Variants in USP40 observed in about 807,000 individuals in gnomAD.
USP40 encodes the protein ubiquitin specific peptidase 40.
In USP40, 143 loss-of-function variants were observed where a neutral mutation model predicts 166.2. That is an observed-to-expected ratio of 0.86 (90% CI 0.75 to 0.99). USP40 has a LOEUF of 0.99. Among genes scored for constraint, USP40 ranks in the 50% least tolerant of loss-of-function variants. The probability of loss-of-function intolerance (pLI) is 0.00; values close to 1 mark genes in which losing one functional copy is unlikely to be tolerated. For missense variants in USP40, 1,444 were observed against 1,479.7 expected (o/e 0.98, Z 0.40); for synonymous variants, 498 against 524.0 (o/e 0.95, Z 0.68).
chr2:233,494,950 A>ATTTT (rs1559224277), intron 24 of USP40, among the ~76,000 whole-genome samples: 1 of 30,106 alleles, frequency 3.3e-5, no homozygotes, highest in African/African-American at 2.2e-4. Context: ...ATATATATAT[A>ATTTT]TATATTTATA....
At chr2:233,538,208 G>A (rs1002401481) in intron 10 of USP40, among the ~76,000 whole-genome samples, 5 of 151,602 alleles carry the variant, frequency 3.3e-5, no homozygotes, top group African/African-American at 1.2e-4. Flanking sequence ...AAAGAAGGCA[G>A]GAAAGGAAAA....
intron 8 of USP40, among the ~76,000 whole-genome samples, chr2:233,547,929 T>C (rs972204629): frequency 9.2e-5 from 14 of 152,190 alleles, no homozygotes; most frequent in African/African-American, 2.9e-4. Context: ...TCCTGAAGAA[T>C]GACAGCATGT....
At chr2:233,492,980 C>A (rs1337617558) in intron 25 of USP40, 7 of 183,750 alleles carry the variant, frequency 3.8e-5, no homozygotes, top group Admixed American at 2.2e-4. Context: ...ATATCAAATG[C>A]CCTAGAAGCA....
intron 31 of USP40, 142 bp downstream of exon 31, chr2:233,481,061 A>G: frequency 2.8e-6 from 2 of 724,154 alleles, no homozygotes; most frequent in Non-Finnish European, 4.5e-6. Context: ...CAGGGGGCGG[A>G]GAAGGACCCG....
At chr2:233,499,834 T>G (rs1283346460) in intron 22 of USP40, 45 bp downstream of exon 22, 2 of 1,571,964 alleles carry the variant, frequency 1.3e-6, no homozygotes, top group Non-Finnish European at 1.7e-6. Context: ...CAAAAAAATT[T>G]TTATTAGGCT....
Position 233,524,500 on chromosome 2 carries a change from C to T in USP40, c.1873G>A (p.Gly625Arg). 2 of 1,606,352 alleles carry T rather than the reference C, an allele frequency of 1.2e-6. No homozygotes were observed. The highest frequency in any genetic ancestry group is 8.5e-7 in the Non-Finnish European group (1 of 1,176,964). ...TCAGTAATTTTTTTTACCTCCACCC[C>T]ATTCCACACAAAGATGTCTTCCCCA... ...ADGEDIFVWNGVEVGGVHIQT... is the reference protein window; with the variant it reads ...ADGEDIFVWNRVEVGGVHIQT... The change falls in exon 15 of 32, where the codon GGG becomes AGG. Residue 625 changes from glycine (G) to arginine (R), a missense_variant. By Grantham distance (125) the Gly-to-Arg change is moderately radical. Transcript: ENST00000678225.
At chr2:233,548,053 A>G (rs1332986216) in intron 8 of USP40, among the ~76,000 whole-genome samples, 2 of 152,220 alleles carry the variant, frequency 1.3e-5, no homozygotes, top group Non-Finnish European at 2.9e-5. Flanking sequence ...TAGAGAGCTG[A>G]AAAACAGACT....
intron 21 of USP40, among the ~76,000 whole-genome samples, chr2:233,505,524 GATC>G (rs2066360433): frequency 6.6e-6 from 1 of 151,910 alleles, no homozygotes; most frequent in African/African-American, 2.4e-5. Flanking sequence ...ACATACAAAG[GATC>G]ATAAGAGACT....
Position 233,485,754 on chromosome 2 carries a change from C to T in USP40, c.3408+13G>A. 3.1e-6 allele frequency: 5 copies of T among 1,612,456 alleles called. No individual in the cohort carries two copies. The highest frequency in any genetic ancestry group is 1.1e-5 in the South Asian group (1 of 90,678). On this transcript the variant is annotated intron_variant, in intron 29 of 31. Transcript: ENST00000678225. The stretch of plus-strand genomic sequence containing the variant: ...TAAGCCCCAATTTCTCTGAGACAGC[C>T]CCACAACTTTACCCAGCTAGATATC...
At chr2:233,524,761 G>T (rs2067898547) in intron 14 of USP40, among the ~76,000 whole-genome samples, 199 bp from the exon 15 acceptor site, 1 of 152,122 alleles carries the variant, frequency 6.6e-6, no homozygotes. Context: ...TGTGAGCATG[G>T]TGGCAGGACA....
At chr2:233,503,039 A>G (rs1456084840) in intron 21 of USP40, among the ~76,000 whole-genome samples, 1 of 152,228 alleles carries the variant, frequency 6.6e-6, no homozygotes, top group Non-Finnish European at 1.5e-5. Context: ...GAAGAAAAGT[A>G]TATTTATGAA....
intron 27 of USP40, among the ~76,000 whole-genome samples, chr2:233,488,616 C>T (rs112526373): frequency 0.012 from 1,843 of 152,298 alleles, 35 homozygotes; most frequent in African/African-American, 0.041. Context: ...TAATCAGAAC[C>T]GATTAAAAGC....
chr2:233,554,491 AT>A lies in USP40; in HGVS notation c.581del (p.Asn194MetfsTer14), dbSNP rs2125369686. On this transcript the variant is annotated frameshift_variant, in exon 6 of 32. Transcript: ENST00000678225. LOFTEE classifies it high-confidence loss of function. ...AGAGAGCATCTTCCAAACCGGATAC[AT>A]TTTTGACTGCTACTGTTAGATCTAA... ...DFLDLTVAVK[N>X]VSGLEDALWN... 1.9e-6 allele frequency: 3 copies of A among 1,611,872 alleles called. No individual in the cohort carries two copies. In the East Asian group the frequency reaches 6.7e-5, roughly 36 times the overall value.
chr2:233,476,297 G>C lies in USP40; in HGVS notation c.*1095C>G, dbSNP rs1475758440. 6.6e-6 allele frequency: 1 copy of C among 152,350 alleles called. No homozygotes were observed. Among genetic ancestry groups the C allele is most frequent in the Non-Finnish European group, 1.5e-5 (1 of 68,058 alleles). The allele number at this position is 152,350 out of a possible 1,614,324, so 9.4% of individuals were successfully genotyped here. A position where few individuals can be genotyped will look rare whatever the true frequency, so the allele number is the denominator to read the frequency against. The stretch of plus-strand genomic sequence containing the variant: ...GAGGCCCAGGTGACAAGCAGGCTCA[G>C]GACATGCGACACCGTCTTCGGGATG... On this transcript the variant is annotated 3_prime_UTR_variant, in exon 32 of 32. Coordinates refer to ENST00000678225, the MANE Select transcript of USP40 (RefSeq NM_001365479.2).
Position 233,519,470 on chromosome 2 carries a change from T to C in USP40, c.2383+144A>G, listed in dbSNP as rs1472490153. The C allele has an allele frequency of 2.6e-5, 15 of 570,870 alleles. No individual in the cohort carries two copies. The Admixed American group carries it at 4.3e-4, about 16-fold the overall frequency. The allele number at this position is 570,870 out of a possible 1,614,324, so 35.4% of individuals were successfully genotyped here. On this transcript the variant is annotated intron_variant, in intron 18 of 31. Coordinates refer to ENST00000678225, the MANE Select transcript of USP40 (RefSeq NM_001365479.2). The stretch of plus-strand genomic sequence containing the variant: ...AATGTTTCAAACAAAAACAAACATA[T>C]GACAAAATGTTAATATTTGTCCATT...
chr2:233,510,285 T>C, intron 20 of USP40, 150 bp from the exon 21 acceptor site: 1 of 624,586 alleles, frequency 1.6e-6, no homozygotes, highest in East Asian at 2.8e-5. Flanking sequence ...ATGATTAATG[T>C]TACAATTTAA....
Position 233,566,727 on chromosome 2 carries a change from A to G in USP40, c.-63T>C, listed in dbSNP as rs891261256. 1 of 985,998 alleles carries G rather than the reference A, an allele frequency of 1.0e-6. No individual in the cohort carries two copies. The highest frequency in any genetic ancestry group is 1.2e-6 in the Non-Finnish European group (1 of 830,020). The allele number at this position is 985,998 out of a possible 1,614,324, so 61.1% of individuals were successfully genotyped here. ...CCGCCCTGGCCAAAACGCGAAGCGA[A>G]CGAACCCGCCCCAACTGGGCGCCGC... On this transcript the variant is annotated 5_prime_UTR_variant, in exon 1 of 32. Transcript: ENST00000678225.
rs1158427662 is a variant in USP40, at chr2:233,510,392, CTTTTTTT to C, written c.2527-264_2527-258del. 2.9e-4 allele frequency among the ~76,000 whole-genome samples: 20 copies of C among 68,682 alleles called. 1 individual carries two copies. The highest frequency in any genetic ancestry group is 7.5e-4 in the African/African-American group (11 of 14,698). The allele number at this position is 68,682 out of a possible 152,430, so 45.1% of individuals were successfully genotyped here. ...CCACATACACTACTTCTTTTTCTTT[CTTTTTTT>C]TTTTTTTTTTTTTTTTTTTTGAGAT... On this transcript the variant is annotated intron_variant, in intron 20 of 31. Transcript: ENST00000678225.
chr2:233,551,086 C>T (rs535051221), intron 7 of USP40, among the ~76,000 whole-genome samples: 101 of 152,198 alleles, frequency 6.6e-4, no homozygotes, highest in Non-Finnish European at 1.1e-3. Flanking sequence ...ATCTTGCCCA[C>T]GCTGTCCTCG....
Sources: allele counts gnomAD v4.1 joint callset (sites outside exome capture counted in the v4.1 genomes callset), GRCh38; gene constraint gnomAD v4.1.1; transcripts MANE v1.5; gene names NCBI Gene and HGNC (gene_info 2026-07-23, HGNC 2026-07-21).